Variants in FANCL observed in about 807,000 individuals in gnomAD.
FANCL encodes E3 ubiquitin-protein ligase FANCL.
In FANCL, 69 loss-of-function variants were observed where a neutral mutation model predicts 59.4. That is an observed-to-expected ratio of 1.16 (90% confidence interval 0.96 to 1.42). The LOEUF (loss-of-function observed/expected upper bound fraction) is 1.42, where lower values mean the gene tolerates loss of function less well. Ranked by LOEUF, FANCL falls within the 40% of genes most tolerant of loss-of-function variation. The pLI is 0.00. For missense variants in FANCL, 519 were observed against 447.2 expected (o/e 1.16, Z -1.45); for synonymous variants, 180 against 147.1 (o/e 1.22, Z -1.62).
chr2:58,233,181 T>C (rs187728710), intron 1 of FANCL, among the ~76,000 whole-genome samples: 3 of 152,192 alleles, frequency 2.0e-5, no homozygotes, highest in African/African-American at 7.2e-5. Context: ...CCTAACATTA[T>C]AGACATCCCA....
intron 7 of FANCL, among the ~76,000 whole-genome samples, chr2:58,189,030 T>C (rs748960322): frequency 6.6e-6 from 1 of 152,126 alleles, no homozygotes; most frequent in Non-Finnish European, 1.5e-5. Context: ...TTATATAAGA[T>C]TCTGTAAACT....
intron 5 of FANCL, among the ~76,000 whole-genome samples, chr2:58,217,608 T>C (rs1031769986): frequency 6.6e-6 from 1 of 151,888 alleles, no homozygotes; most frequent in Non-Finnish European, 1.5e-5. Flanking sequence ...AAGAAACATG[T>C]CCTAATAACA....
intron 7 of FANCL, among the ~76,000 whole-genome samples, chr2:58,186,272 T>C (rs1688394674): frequency 6.6e-6 from 1 of 152,122 alleles, no homozygotes; most frequent in Admixed American, 6.6e-5. Context: ...ACATCAGAAT[T>C]TTCTTTAAGA....
In FANCL at chr2:58,159,440, T is replaced by G. The variant is rs747110288; in HGVS notation, c.*325A>C. On this transcript the variant is annotated 3_prime_UTR_variant, in exon 14 of 14. Transcript: ENST00000233741. ...CCACAAAAAATCAGCTATACACAAT[T>G]CCCAAACTCATTTTATGAGCCTCAT... 25 of 1,613,484 alleles carry G rather than the reference T, an allele frequency of 1.5e-5. No homozygotes were observed. The highest frequency in any genetic ancestry group is 2.1e-5 in the Non-Finnish European group (25 of 1,179,728).
At chr2:58,174,798 C>A (rs907645594) in intron 7 of FANCL, among the ~76,000 whole-genome samples, 1 of 152,078 alleles carries the variant, frequency 6.6e-6, no homozygotes, top group African/African-American at 2.4e-5. Flanking sequence ...CAGAGCAGAA[C>A]TGAAGGAAAT....
intron 2 of FANCL, among the ~76,000 whole-genome samples, chr2:58,230,930 C>T (rs1020531160): frequency 4.6e-5 from 7 of 152,200 alleles, no homozygotes; most frequent in Non-Finnish European, 1.0e-4. Flanking sequence ...CTCTAACCAC[C>T]TCTTTTTCTT....
chr2:58,217,166 T>TA (rs1558806220), intron 5 of FANCL, among the ~76,000 whole-genome samples: 3 of 47,356 alleles, frequency 6.3e-5, no homozygotes, highest in African/African-American at 1.6e-4. Context: ...TTTATATATT[T>TA]TATATATATA....
chr2:58,170,962 A>C (rs1311688419), intron 7 of FANCL, among the ~76,000 whole-genome samples: 6 of 152,178 alleles, frequency 3.9e-5, no homozygotes, highest in Non-Finnish European at 8.8e-5. Context: ...TATTAGACAG[A>C]TCAACGAGAC....
rs1024319613 is a variant in FANCL, at chr2:58,159,956, A to G, written c.1092+152T>C. The G allele has an allele frequency of 2.6e-6, 4 of 1,524,500 alleles. No homozygotes were observed. In the Admixed American group the frequency reaches 9.1e-5, roughly 35 times the overall value. 94.4% of individuals were successfully genotyped at this position (1,524,500 alleles called of 1,614,324 possible). On this transcript the variant is annotated intron_variant, in intron 13 of 13. Transcript: ENST00000233741. Reference sequence around the variant, plus strand: ...CCTAGGAAATCTAGAAAAGGAGTTTAATGTTTTTGATCAGAGAATTTGAAA... The same window carrying G: ...CCTAGGAAATCTAGAAAAGGAGTTTGATGTTTTTGATCAGAGAATTTGAAA...
chr2:58,196,177 C>A (rs11903212), intron 7 of FANCL, among the ~76,000 whole-genome samples: 1 of 151,640 alleles, frequency 6.6e-6, no homozygotes, highest in African/African-American at 2.4e-5. Context: ...AAAGTATGCA[C>A]GGATGGCCTA....
intron 2 of FANCL, among the ~76,000 whole-genome samples, chr2:58,230,765 C>G (rs1483967353): frequency 6.6e-6 from 1 of 152,166 alleles, no homozygotes; most frequent in Non-Finnish European, 1.5e-5. Context: ...TGTGCTTTCT[C>G]TCCCCTGCTA....
chr2:58,218,738 A>T (rs6742445), intron 5 of FANCL, among the ~76,000 whole-genome samples: 10,121 of 152,058 alleles, frequency 0.067, 1,154 homozygotes, highest in African/African-American at 0.23. Flanking sequence ...CAATTAAGTA[A>T]ATGGATAACA....
In FANCL at chr2:58,204,203, A is replaced by G; in HGVS notation, c.398T>C (p.Phe133Ser). ...TTCTGCTTTTAACTTGATGGTACTG[A>G]AGCAGGTATCCGCATACACAAGTCT... is the stretch of plus-strand genomic sequence containing the variant. ...WDKLVYADTC[F>S]STIKLKAEDA... The change falls in exon 6 of 14, where the codon TTC (phenylalanine) becomes TCC (serine). Residue 133 changes from phenylalanine to serine, a missense_variant. Coordinates refer to ENST00000233741, the MANE Select transcript of FANCL (RefSeq NM_018062.4). 1 of 1,613,290 alleles carries G rather than the reference A, an allele frequency of 6.2e-7. No individual in the cohort carries two copies. The highest frequency in any genetic ancestry group is 8.5e-7 in the Non-Finnish European group (1 of 1,179,308).
intron 6 of FANCL, among the ~76,000 whole-genome samples, chr2:58,201,879 A>T (rs1031558429): frequency 5.9e-5 from 9 of 151,832 alleles, no homozygotes; most frequent in African/African-American, 1.9e-4. Context: ...GAACAAATGC[A>T]TTTATTTACT....
chr2:58,174,609 T>G (rs914510186), intron 7 of FANCL, among the ~76,000 whole-genome samples: 2 of 152,082 alleles, frequency 1.3e-5, no homozygotes, highest in African/African-American at 4.8e-5. Context: ...AGACACAATA[T>G]ACCAGAATCT....
At chr2:58,217,588 T>C (rs899980829) in intron 5 of FANCL, among the ~76,000 whole-genome samples, 2 of 151,916 alleles carry the variant, frequency 1.3e-5, no homozygotes, top group East Asian at 1.9e-4. Flanking sequence ...AGAATATTTC[T>C]AGAGATGAAA....
At chr2:58,198,294 C>G (rs904044982) in intron 7 of FANCL, among the ~76,000 whole-genome samples, 1 of 152,150 alleles carries the variant, frequency 6.6e-6, no homozygotes, top group Non-Finnish European at 1.5e-5. Flanking sequence ...TGTGCAGATT[C>G]AACCAACTGC....
intron 5 of FANCL, among the ~76,000 whole-genome samples, chr2:58,218,719 G>A (rs115256245): frequency 0.027 from 4,030 of 151,952 alleles, 218 homozygotes; most frequent in African/African-American, 0.093. Context: ...CACGTATACT[G>A]CAACTGAACA....
chr2:58,198,059 GTATT>G (rs1390242099), intron 7 of FANCL, among the ~76,000 whole-genome samples: 5 of 152,016 alleles, frequency 3.3e-5, no homozygotes, highest in East Asian at 1.9e-4. Context: ...GTGTGTGTGT[GTATT>G]TATGCATGGG....
Sources: allele counts gnomAD v4.1 joint callset (sites outside exome capture counted in the v4.1 genomes callset), GRCh38; gene constraint gnomAD v4.1.1; transcripts MANE v1.5; gene names NCBI Gene and HGNC (gene_info 2026-07-23, HGNC 2026-07-21).